The following SLCO6A1 variants were observed in gnomAD, a reference collection of about 807,000 sequenced individuals.
SLCO6A1 encodes the protein solute carrier organic anion transporter family member 6A1.
In SLCO6A1, 65 loss-of-function variants were observed where a neutral mutation model predicts 72.7. The observed-to-expected ratio is 0.89, with a 90% confidence interval of 0.73 to 1.10. SLCO6A1 has a LOEUF of 1.10. SLCO6A1 is among the 50% of genes least tolerant of loss of function. The pLI, the probability that SLCO6A1 is intolerant of heterozygous loss-of-function variation, is 0.00. For synonymous variants in SLCO6A1, 314 were observed against 298.2 expected, an observed-to-expected ratio of 1.05 and a Z score of -0.55; for missense variants, 874 against 872.6, an observed-to-expected ratio of 1.00 and a Z score of -0.02.
At position 102,455,027 on chromosome 5, in the gene SLCO6A1, T is replaced by A. The variant is rs28469457; in HGVS notation, c.1131+3355A>T. The stretch of plus-strand genomic sequence containing the variant: ...ATATAAATATATATATATATATATA[T>A]AAATTATGTTATAACAAAGATCTAT... On this transcript the variant is annotated intron_variant, in intron 6 of 13. Coordinates refer to ENST00000506729, the MANE Select transcript of SLCO6A1 (RefSeq NM_173488.5). Among the ~76,000 whole-genome samples, 43 of 141,814 alleles carry A rather than the reference T, an allele frequency of 3.0e-4. 1 individual carries two copies. Among genetic ancestry groups the A allele is most frequent in the African/African-American group, 4.6e-4 (17 of 37,030 alleles). The allele number at this position is 141,814 out of a possible 152,430, so 93.0% of individuals were successfully genotyped here.
intron 1 of SLCO6A1, among the ~76,000 whole-genome samples, chr5:102,481,089 G>T (rs977813959): frequency 1.3e-5 from 2 of 152,172 alleles, no homozygotes; most frequent in African/African-American, 2.4e-5. Context: ...TTGATGTAGG[G>T]ATTGATTACA....
intron 12 of SLCO6A1, among the ~76,000 whole-genome samples, chr5:102,387,798 C>T (rs535803888): frequency 9.9e-5 from 15 of 152,092 alleles, no homozygotes; most frequent in Admixed American, 6.5e-4. Flanking sequence ...AATCATTTAA[C>T]GTTTACTCTG....
chr5:102,495,996 G>T (rs1752894389), intron 1 of SLCO6A1, among the ~76,000 whole-genome samples: 1 of 152,164 alleles, frequency 6.6e-6, no homozygotes, highest in Non-Finnish European at 1.5e-5. Context: ...TAGAATTTTG[G>T]CCCCAAAATG....
intron 1 of SLCO6A1, among the ~76,000 whole-genome samples, chr5:102,488,230 A>C (rs914894434): frequency 2.0e-5 from 3 of 152,222 alleles, no homozygotes; most frequent in African/African-American, 7.2e-5. Context: ...GGGTTAAATA[A>C]ATAAAATGAG....
intron 10 of SLCO6A1, among the ~76,000 whole-genome samples, chr5:102,394,076 A>G (rs1333346738): frequency 6.6e-6 from 1 of 152,130 alleles, no homozygotes. Flanking sequence ...CAAGTACCTC[A>G]GGGGCAGTTT....
intron 6 of SLCO6A1, among the ~76,000 whole-genome samples, chr5:102,457,232 A>C (rs1381038085): frequency 6.6e-6 from 1 of 152,154 alleles, no homozygotes; most frequent in Non-Finnish European, 1.5e-5. Flanking sequence ...CAATGGCAAC[A>C]AAAGCCAAAA....
chr5:102,381,418 G>A (rs980905467), intron 12 of SLCO6A1, among the ~76,000 whole-genome samples: 4 of 151,664 alleles, frequency 2.6e-5, no homozygotes, highest in Admixed American at 2.0e-4. Context: ...TCCTTTTTAA[G>A]GATGAATAGT....
chr5:102,419,036 A>G (rs961165862), intron 8 of SLCO6A1, among the ~76,000 whole-genome samples: 4 of 151,950 alleles, frequency 2.6e-5, no homozygotes, highest in Non-Finnish European at 5.9e-5. Context: ...CTTTTGCCCA[A>G]ACTCTTCACC....
intron 6 of SLCO6A1, among the ~76,000 whole-genome samples, chr5:102,448,055 A>G (rs113554331): frequency 1.3e-5 from 2 of 152,192 alleles, no homozygotes; most frequent in African/African-American, 4.8e-5. Context: ...TGTTCCAGAG[A>G]TTCTGGTATG....
rs1026246310 is a variant in SLCO6A1 at position 102,498,959 on chromosome 5, A to G, written c.-115T>C. 1.1e-5 allele frequency: 11 copies of G among 1,002,094 alleles called. No individual in the cohort carries two copies. Among genetic ancestry groups the G allele is most frequent in the African/African-American group, 9.7e-5 (6 of 61,986 alleles). The allele number at this position is 1,002,094 out of a possible 1,614,324, so 62.1% of individuals were successfully genotyped here. On this transcript the variant is annotated 5_prime_UTR_variant, in exon 1 of 14. Coordinates refer to ENST00000506729, the MANE Select transcript of SLCO6A1 (RefSeq NM_173488.5). The stretch of plus-strand genomic sequence containing the variant: ...GGCGTCGGAGGACTCGGTGGCCACA[A>G]GGGGCTCTTGCCGCCCAAGCCTCCA...
At chr5:102,457,047 A>G (rs925768284) in intron 6 of SLCO6A1, among the ~76,000 whole-genome samples, 6 of 152,212 alleles carry the variant, frequency 3.9e-5, no homozygotes, top group African/African-American at 1.4e-4. Flanking sequence ...CTGGCTAGCC[A>G]TGTGTAGAAA....
At chr5:102,438,860 A>G in intron 6 of SLCO6A1, 99 bp from the exon 7 acceptor site, 1 of 773,674 alleles carries the variant, frequency 1.3e-6, no homozygotes, top group African/African-American at 1.8e-5. Flanking sequence ...AAAATTTACC[A>G]TTCCCAATCT....
chr5:102,431,976 C>A (rs1043401057), intron 7 of SLCO6A1, among the ~76,000 whole-genome samples: 2 of 152,144 alleles, frequency 1.3e-5, no homozygotes, highest in Admixed American at 6.5e-5. Context: ...GAACCTTTCA[C>A]CATTATGTAA....
intron 6 of SLCO6A1, among the ~76,000 whole-genome samples, chr5:102,453,257 G>T (rs1294480717): frequency 1.3e-5 from 2 of 151,836 alleles, no homozygotes; most frequent in Non-Finnish European, 2.9e-5. Context: ...TACTCAGGGG[G>T]GCTGAGGGAG....
In SLCO6A1 at chr5:102,449,359, A is replaced by G. The variant is rs149456507; in HGVS notation, c.1131+9023T>C. Among the ~76,000 whole-genome samples, 313 of 150,666 alleles carry G rather than the reference A, an allele frequency of 2.1e-3. 2 individuals are homozygous for G. Among genetic ancestry groups the G allele is most frequent in the African/African-American group, 7.2e-3 (297 of 40,990 alleles). On this transcript the variant is annotated intron_variant, in intron 6 of 13. Coordinates refer to ENST00000506729, the MANE Select transcript of SLCO6A1 (RefSeq NM_173488.5). Reference sequence around the variant, plus strand: ...TGTCTCTTGGGGATAGTCATCTTGTATAATATCTCACAAGGGTACTTTGAA... The same window carrying G: ...TGTCTCTTGGGGATAGTCATCTTGTGTAATATCTCACAAGGGTACTTTGAA...
intron 10 of SLCO6A1, among the ~76,000 whole-genome samples, chr5:102,392,098 C>T (rs969976803): frequency 2.6e-5 from 4 of 151,872 alleles, no homozygotes; most frequent in Non-Finnish European, 5.9e-5. Context: ...ATATTATGAC[C>T]AATATTTCAT....
rs1750650120 is a variant in SLCO6A1, at chr5:102,372,020, T to C, written c.*119A>G. On this transcript the variant is annotated 3_prime_UTR_variant, in exon 14 of 14. Coordinates refer to ENST00000506729, the MANE Select transcript of SLCO6A1 (RefSeq NM_173488.5). ...ATTTTTGCTACTTATGTAAACATAA[T>C]GTGTGATTTTCCTCTTCTGAAAGTT... 4 of 152,014 alleles carry C rather than the reference T, an allele frequency of 2.6e-5. No individual in the cohort carries two copies. Among genetic ancestry groups the C allele is most frequent in the South Asian group, 4.1e-4 (2 of 4,832 alleles). The allele number at this position is 152,014 out of a possible 1,614,324, so 9.4% of individuals were successfully genotyped here.
chr5:102,438,804 A>C, intron 6 of SLCO6A1, 43 bp from the exon 7 acceptor site: 1 of 1,376,814 alleles, frequency 7.3e-7, no homozygotes, highest in South Asian at 1.6e-5. Context: ...TTATTTTGTT[A>C]GATAAAGAGG....
intron 7 of SLCO6A1, among the ~76,000 whole-genome samples, chr5:102,425,034 A>G (rs992234340): frequency 2.0e-5 from 3 of 152,206 alleles, no homozygotes; most frequent in African/African-American, 7.2e-5. Flanking sequence ...GATTATCTCA[A>G]TAGATGCAGA....
Sources: allele counts gnomAD v4.1 joint callset (sites outside exome capture counted in the v4.1 genomes callset), GRCh38; gene constraint gnomAD v4.1.1; transcripts MANE v1.5; gene names NCBI Gene and HGNC (gene_info 2026-07-23, HGNC 2026-07-21).